PRSS23: variants seen among roughly 807,000 people sequenced by gnomAD.
PRSS23 encodes the protein protease, serine 23.
Under a neutral mutation model 34.7 loss-of-function variants are expected in PRSS23, and 25 were observed. The observed-to-expected ratio is 0.72, with a 90% CI of 0.53 to 1.01. The LOEUF is 1.01. PRSS23 is among the 50% of genes least tolerant of loss of function. The pLI is 0.00. For synonymous variants in PRSS23, 176 were observed against 186.6 expected (o/e 0.94, Z 0.46); for missense variants, 445 against 475.6 (o/e 0.94, Z 0.60).
At chr11:86,942,620 T>C (rs1324615929) in intron 2 of PRSS23, among the ~76,000 whole-genome samples, 1 of 152,204 alleles carries the variant, frequency 6.6e-6, no homozygotes, top group East Asian at 1.9e-4. Context: ...TGCAATACAT[T>C]TGATTTTCTA....
chr11:86,913,933 G>A (rs962630476), intron 2 of PRSS23, among the ~76,000 whole-genome samples: 6 of 150,524 alleles, frequency 4.0e-5, no homozygotes, highest in Admixed American at 1.3e-4. Context: ...GGCCAGACCC[G>A]GTAGCTTATG....
chr11:86,803,678 T>C (rs1590868300), intron 1 of PRSS23, among the ~76,000 whole-genome samples: 2 of 152,266 alleles, frequency 1.3e-5, no homozygotes, highest in South Asian at 2.1e-4. Context: ...CTTTGGGGCC[T>C]GTCTTAAGAG....
intron 2 of PRSS23, among the ~76,000 whole-genome samples, chr11:86,880,826 C>T (rs1948767945): frequency 1.3e-5 from 2 of 152,184 alleles, no homozygotes; most frequent in Admixed American, 6.5e-5. Context: ...GACACGATCT[C>T]ATTATTTTCT....
intron 2 of PRSS23, among the ~76,000 whole-genome samples, chr11:86,940,236 T>A (rs760616181): frequency 9.9e-5 from 15 of 152,150 alleles, no homozygotes; most frequent in Non-Finnish European, 1.9e-4. Context: ...CCAGGGCTAC[T>A]TGGTCAGTGT....
chr11:86,884,363 G>A (rs1948789071), intron 2 of PRSS23, among the ~76,000 whole-genome samples: 2 of 152,114 alleles, frequency 1.3e-5, no homozygotes, highest in East Asian at 1.9e-4. Context: ...GCAGTGGTGC[G>A]ATCTCGGCTC....
intron 2 of PRSS23, chr11:86,857,202 A>G (rs2134927592): frequency 3.1e-6 from 1 of 321,320 alleles, no homozygotes; most frequent in Non-Finnish European, 5.8e-6. Context: ...CATTCCTGGG[A>G]GATGATGACA....
intron 1 of PRSS23, chr11:86,821,592 G>C: frequency 1.2e-6 from 2 of 1,606,888 alleles, no homozygotes; most frequent in South Asian, 2.2e-5. Context: ...TTTAGCTCAA[G>C]ACAGAATTCC....
At chr11:86,887,538 T>G (rs1199128739) in intron 2 of PRSS23, among the ~76,000 whole-genome samples, 1 of 152,070 alleles carries the variant, frequency 6.6e-6, no homozygotes, top group Non-Finnish European at 1.5e-5. Context: ...TGTGAGCACA[T>G]GGAACACCCC....
At position 86,907,844 on chromosome 11, in the gene PRSS23, A is replaced by G. The variant is rs564584245; in HGVS notation, c.207-43372A>G. Among the ~76,000 whole-genome samples the G allele has an allele frequency of 3.3e-5, 5 of 152,036 alleles. No individual in the cohort carries two copies. In the East Asian group the frequency reaches 9.7e-4, roughly 29 times the overall value. ...AGTTCTCTAGAACTTATCCAGCTGC[A>G]TAACTGAAACTTTATACCCAGTTGA... On this transcript the variant is annotated intron_variant, in intron 2 of 2. Transcript: ENST00000533902.
chr11:86,938,560 A>G (rs895290782), intron 2 of PRSS23, among the ~76,000 whole-genome samples: 5 of 152,130 alleles, frequency 3.3e-5, no homozygotes, highest in Non-Finnish European at 7.3e-5. Flanking sequence ...GAGGAAGAGG[A>G]ATGATGTGGC....
chr11:86,826,268 T>C (rs1454895219), intron 2 of PRSS23, among the ~76,000 whole-genome samples: 1 of 151,562 alleles, frequency 6.6e-6, no homozygotes, highest in African/African-American at 2.4e-5. Context: ...CACTCATGAG[T>C]TCACTCATGA....
chr11:86,806,777 G>C (rs1036834823), intron 1 of PRSS23, among the ~76,000 whole-genome samples: 2 of 152,136 alleles, frequency 1.3e-5, no homozygotes, highest in Non-Finnish European at 2.9e-5. Context: ...TCGAGTGCTA[G>C]CACAGGCCCA....
exon 3 of PRSS23, chr11:86,952,392 GAC>G (rs764395748): frequency 6.2e-7 from 1 of 1,614,188 alleles, no homozygotes. Context: ...TTGACTGAAA[GAC>G]ACATGCCGCC....
intron 2 of PRSS23, among the ~76,000 whole-genome samples, chr11:86,870,418 T>G (rs76907703): frequency 0.05 from 7,587 of 152,254 alleles, 211 homozygotes; most frequent in Middle Eastern, 0.12. Context: ...TTTCCTTTTA[T>G]CAGCCCAAAA....
At chr11:86,852,400 CAAG>C (rs1041999908) in intron 2 of PRSS23, among the ~76,000 whole-genome samples, 28 of 152,138 alleles carry the variant, frequency 1.8e-4, no homozygotes, top group Non-Finnish European at 7.4e-5. Flanking sequence ...CATAATAATG[CAAG>C]AAGAAGAGAA....
In PRSS23 at chr11:86,811,003, A is replaced by G. The variant is rs1349166173; in HGVS notation, c.*2208A>G. 1.8e-5 allele frequency: 3 copies of G among 166,882 alleles called. No individual in the cohort carries two copies. The highest frequency in any genetic ancestry group is 7.2e-5 in the African/African-American group (3 of 41,590). 10.3% of individuals were successfully genotyped at this position (166,882 alleles called of 1,614,324 possible). A position where few individuals can be genotyped will look rare whatever the true frequency, so the allele number is the denominator to read the frequency against. Reference sequence around the variant, plus strand: ...AGAAGCATATTTGCCTAGTAAGGCTAGTAGAACCACATTTCCCAAAGTGTG... The same window carrying G: ...AGAAGCATATTTGCCTAGTAAGGCTGGTAGAACCACATTTCCCAAAGTGTG... On this transcript the variant is annotated 3_prime_UTR_variant, in exon 2 of 2. Transcript: ENST00000280258.
intron 1 of PRSS23, chr11:86,821,744 C>A: frequency 7.5e-7 from 1 of 1,325,060 alleles, no homozygotes; most frequent in Non-Finnish European, 1.1e-6. Context: ...TCAAAGTGTT[C>A]GTCAGGCCAA....
exon 3 of PRSS23, chr11:86,951,745 A>G: frequency 1.2e-6 from 2 of 1,614,204 alleles, no homozygotes; most frequent in Non-Finnish European, 1.7e-6. Context: ...CAATGGCTTC[A>G]TGACCCCATT....
intron 2 of PRSS23, among the ~76,000 whole-genome samples, chr11:86,839,693 G>A (rs1223486649): frequency 6.6e-6 from 1 of 151,904 alleles, no homozygotes; most frequent in Non-Finnish European, 1.5e-5. Flanking sequence ...GTTAAAGGCA[G>A]CCAAAGAGAA....
Sources: allele counts gnomAD v4.1 joint callset (sites outside exome capture counted in the v4.1 genomes callset), GRCh38; gene constraint gnomAD v4.1.1; transcripts MANE v1.5; gene names NCBI Gene and HGNC (gene_info 2026-07-23, HGNC 2026-07-21).